The following CHST15 variants were observed in gnomAD, a reference collection of about 807,000 sequenced individuals.
CHST15 encodes the protein B cell RAG associated protein (GALNAC4S-6ST).
Under a neutral mutation model 53.6 loss-of-function variants are expected in CHST15, and 30 were observed. That is an observed-to-expected ratio of 0.56 (90% CI 0.42 to 0.76). The LOEUF (loss-of-function observed/expected upper bound fraction) is 0.76. Among genes scored for constraint, CHST15 ranks in the 30% least tolerant of loss-of-function variants. The pLI, the probability that CHST15 is intolerant of heterozygous loss-of-function variation, is 0.00. For synonymous variants in CHST15, 296 were observed against 289.8 expected (o/e 1.02, Z -0.22); for missense variants, 627 against 740.5 (o/e 0.85, Z 1.78).
chr10:124,054,974 T>A (rs1245285594), intron 1 of CHST15, among the ~76,000 whole-genome samples: 1 of 152,154 alleles, frequency 6.6e-6, no homozygotes, highest in African/African-American at 2.4e-5. Flanking sequence ...AGGAGTACCC[T>A]TCCCCTGCCA....
intron 1 of CHST15, among the ~76,000 whole-genome samples, chr10:124,050,078 T>C (rs139506535): frequency 1.3e-5 from 2 of 152,250 alleles, no homozygotes; most frequent in Admixed American, 6.5e-5. Context: ...CATAAAACTG[T>C]CTTACATTTA....
At position 124,045,708 on chromosome 10, in the gene CHST15, G is replaced by C. The variant is rs781525292; in HGVS notation, c.505C>G (p.Gln169Glu). Residue 169 changes from glutamine to glutamate, a missense_variant, in exon 2 of 8, where the codon CAG (glutamine) becomes GAG (glutamate). By Grantham distance (29) the Gln-to-Glu change is conservative. Around this residue, in one of 3 missense-constraint regions of CHST15, gnomAD observed 187 missense variants for 251.8 expected, o/e 0.74. Transcript: ENST00000435907. ...TTAAGGTCTTCTAAGTCTGGGAGCT[G>C]TCTGGTCGTGAACTCAATCCTAGTT... ...ITTRIEFTTR[Q>E]LPDLEDLKKQ... The C allele has an allele frequency of 2.5e-6, 4 of 1,612,910 alleles. No individual in the cohort carries two copies. The highest frequency in any genetic ancestry group is 2.2e-5 in the South Asian group (2 of 90,906).
chr10:124,061,168 A>T (rs370667837), intron 1 of CHST15, among the ~76,000 whole-genome samples: 1 of 152,198 alleles, frequency 6.6e-6, no homozygotes, highest in Non-Finnish European at 1.5e-5. Flanking sequence ...AGGATGGGAC[A>T]TGCACATTCA....
At chr10:124,065,158 A>C (rs1234011074) in intron 1 of CHST15, among the ~76,000 whole-genome samples, 1 of 152,052 alleles carries the variant, frequency 6.6e-6, no homozygotes, top group Admixed American at 6.6e-5. Context: ...CCGAGGTGGG[A>C]GGATGGCTTG....
chr10:124,010,330 C>T lies in CHST15; in HGVS notation c.1505G>A (p.Ser502Asn), dbSNP rs755713145. 6 of 1,594,982 alleles carry T rather than the reference C, an allele frequency of 3.8e-6. No homozygotes were observed. In the Admixed American group the frequency reaches 5.3e-5, roughly 14 times the overall value. Residue 502 changes from serine to asparagine, a missense_variant, in exon 8 of 8, where the codon AGT (serine) becomes AAT (asparagine). Around this residue, in one of 3 missense-constraint regions of CHST15, gnomAD observed 279 missense variants for 371.6 expected, o/e 0.75. Coordinates refer to ENST00000435907, the MANE Select transcript of CHST15 (RefSeq NM_001270764.2). ...VFQFLNLGPL[S>N]EKQEALMTKS... The stretch of plus-strand genomic sequence containing the variant: ...GGTCATCAAAGCCTCCTGCTTCTCA[C>T]TTAAGGGCCCTAGAATAAAAGAAGA...
chr10:124,087,962 G>C (rs1187537233), intron 1 of CHST15, among the ~76,000 whole-genome samples: 1 of 152,264 alleles, frequency 6.6e-6, no homozygotes, highest in Admixed American at 6.5e-5. Context: ...TCCAGAGAGT[G>C]AAGCCACCAC....
chr10:124,009,934 T>C lies in CHST15; in HGVS notation c.*215A>G, dbSNP rs1281648962. 10 of 1,391,282 alleles carry C rather than the reference T, an allele frequency of 7.2e-6. No individual in the cohort carries two copies. The highest frequency in any genetic ancestry group is 9.3e-6 in the Non-Finnish European group (10 of 1,074,420). The allele number at this position is 1,391,282 out of a possible 1,614,324, so 86.2% of individuals were successfully genotyped here. ...ATTCTTGAGAAACTGGGGTCTCCAA[T>C]GGCCTCGGATAGAGGAGCTCTGTGA... On this transcript the variant is annotated 3_prime_UTR_variant, in exon 8 of 8. Transcript: ENST00000435907.
chr10:124,093,300 G>T (rs981852015), intron 1 of CHST15, among the ~76,000 whole-genome samples, 169 bp downstream of exon 1: 34 of 151,080 alleles, frequency 2.3e-4, no homozygotes, highest in Non-Finnish European at 4.0e-4. Context: ...CGGGGAGTGA[G>T]GCTGCGCGCC....
chr10:124,079,133 A>T (rs902513450), intron 1 of CHST15, among the ~76,000 whole-genome samples: 1 of 151,536 alleles, frequency 6.6e-6, no homozygotes, highest in African/African-American at 2.4e-5. Flanking sequence ...AGAAAAAAAA[A>T]TTTCTTTTAT....
At chr10:124,076,548 C>T (rs1374509181) in intron 1 of CHST15, among the ~76,000 whole-genome samples, 1 of 152,186 alleles carries the variant, frequency 6.6e-6, no homozygotes, top group Non-Finnish European at 1.5e-5. Flanking sequence ...GTTCACAATT[C>T]ACACAAGTTG....
chr10:124,039,766 C>CGTGTATGTGTGTGT (rs1236114614), intron 4 of CHST15, among the ~76,000 whole-genome samples: 2 of 152,068 alleles, frequency 1.3e-5, no homozygotes, highest in Non-Finnish European at 2.9e-5. Context: ...AGTGTGTGTG[C>CGTGTATGTGTGTGT]GTGTATGTGT....
chr10:124,023,346 C>T (rs555827008), intron 5 of CHST15, among the ~76,000 whole-genome samples: 4 of 151,862 alleles, frequency 2.6e-5, no homozygotes, highest in South Asian at 2.1e-4. Flanking sequence ...ATTAGCCAGG[C>T]GTGGTGGTGC....
rs1947517556 is a variant in CHST15, at chr10:124,036,890, G to T, written c.1190+1625C>A. ...GGGTCCCAGGGGTCAGTTTCCCGGG[G>T]CTGCCAGGACAAATCACCACGAACT... On this transcript the variant is annotated intron_variant, in intron 5 of 7. Coordinates refer to ENST00000435907, the MANE Select transcript of CHST15 (RefSeq NM_001270764.2). This position sits in a 1 kb window ranked among gnomAD's most constrained non-coding sequence, Gnocchi z 5.1. 6.6e-6 allele frequency among the ~76,000 whole-genome samples: 1 copy of T among 152,202 alleles called. No individual in the cohort carries two copies. The highest frequency in any genetic ancestry group is 1.5e-5 in the Non-Finnish European group (1 of 68,028).
At chr10:124,029,343 T>C (rs1947130194) in intron 5 of CHST15, among the ~76,000 whole-genome samples, 1 of 152,220 alleles carries the variant, frequency 6.6e-6, no homozygotes, top group African/African-American at 2.4e-5. Context: ...GGGGTGACAC[T>C]GGTGAGGCTC....
intron 5 of CHST15, among the ~76,000 whole-genome samples, chr10:124,025,559 A>G (rs75637231): frequency 0.045 from 6,924 of 152,288 alleles, 450 homozygotes; most frequent in East Asian, 0.31. Context: ...GACTAGATTC[A>G]CCACAAGCCA....
At chr10:124,027,178 C>T (rs765964599) in intron 5 of CHST15, among the ~76,000 whole-genome samples, 2 of 152,210 alleles carry the variant, frequency 1.3e-5, no homozygotes, top group Admixed American at 1.3e-4. Flanking sequence ...GCTGTCGGCG[C>T]GGCCCCTCAC....
intron 4 of CHST15, among the ~76,000 whole-genome samples, chr10:124,039,972 T>C (rs1341428980): frequency 6.6e-6 from 1 of 152,172 alleles, no homozygotes; most frequent in Non-Finnish European, 1.5e-5. Context: ...TTCTGTCGGA[T>C]GCGTAATCAC....
At chr10:124,059,032 C>T (rs1437774080) in intron 1 of CHST15, among the ~76,000 whole-genome samples, 1 of 152,156 alleles carries the variant, frequency 6.6e-6, no homozygotes, top group Non-Finnish European at 1.5e-5. Context: ...TTACAGAATA[C>T]AGGACAGCGA....
chr10:124,011,214 G>C (rs939452391), intron 7 of CHST15, among the ~76,000 whole-genome samples: 3 of 151,644 alleles, frequency 2.0e-5, no homozygotes, highest in Non-Finnish European at 4.4e-5. Flanking sequence ...TCTTTACCGG[G>C]GGCTCTTGGG....
Sources: allele counts gnomAD v4.1 joint callset (sites outside exome capture counted in the v4.1 genomes callset), GRCh38; gene constraint gnomAD v4.1.1; regional missense constraint gnomAD v4.1.1; non-coding constraint Gnocchi (gnomAD v3.1); transcripts MANE v1.5; gene names NCBI Gene and HGNC (gene_info 2026-07-23, HGNC 2026-07-21).